Variants in YME1L1 observed in about 807,000 individuals in gnomAD.
YME1L1 encodes ATP-dependent zinc metalloprotease YME1L1.
YME1L1 carries 39 observed loss-of-function variants against 90.4 expected under a neutral mutation model. That is an observed-to-expected ratio of 0.43 (90% CI 0.33 to 0.56). The LOEUF (loss-of-function observed/expected upper bound fraction) is 0.56. YME1L1 is among the 20% of genes least tolerant of loss of function. The probability of loss-of-function intolerance (pLI) is 0.03; values close to 1 mark genes in which losing one functional copy is unlikely to be tolerated. For missense variants in YME1L1, 617 were observed against 868.4 expected, an observed-to-expected ratio of 0.71 and a Z score of 3.64; for synonymous variants, 284 against 287.3, an observed-to-expected ratio of 0.99 and a Z score of 0.12.
chr10:27,134,331 C>T lies in YME1L1; in HGVS notation c.692-209G>A, dbSNP rs184799412. The stretch of plus-strand genomic sequence containing the variant: ...AAGCATGGTGGCTCATGCCTGTAAT[C>T]CTAGCATTTTAAGAGGTCAAGGCAG... On this transcript the variant is annotated intron_variant, in intron 6 of 18. Transcript: ENST00000376016. 6.5e-4 allele frequency among the ~76,000 whole-genome samples: 99 copies of T among 152,274 alleles called. 1 individual carries two copies. Among genetic ancestry groups the T allele is most frequent in the Non-Finnish European group, 1.2e-3 (79 of 68,016 alleles).
chr10:27,119,387 G>C lies in YME1L1; in HGVS notation c.1474C>G (p.Leu492Val). Residue 492 changes from leucine (L) to valine (V), a missense_variant, in exon 14 of 19, where the codon CTT becomes GTT. Physicochemically the swap from Leu to Val is conservative, Grantham distance 32 (BLOSUM62 1). This residue lies in a region of YME1L1 where 212 missense variants were observed against 330.0 expected (regional missense o/e 0.64). Transcript: ENST00000376016. ...GCTTTTAATGCAGCCTGGTTCACAA[G>C]ATTCTCCAACTCTGCTCCGGAAAAG... ...VGFSGAELEN[L>V]VNQAALKAAV... 1 of 1,613,706 alleles carries C rather than the reference G, an allele frequency of 6.2e-7. No homozygotes were observed. Among genetic ancestry groups the C allele is most frequent in the African/African-American group, 1.3e-5 (1 of 75,008 alleles).
At chr10:27,123,420 A>T in intron 10 of YME1L1, 127 bp downstream of exon 10, 1 of 1,095,244 alleles carries the variant, frequency 9.1e-7, no homozygotes, top group Non-Finnish European at 1.3e-6. Context: ...ATTAGCATGC[A>T]AAGCTGGAGG....
Position 27,122,978 on chromosome 10 carries a change from G to A in YME1L1, c.1103-5C>T, listed in dbSNP as rs1434770497. The A allele has an allele frequency of 6.2e-7, 1 of 1,601,538 alleles. No individual in the cohort carries two copies. Among genetic ancestry groups the A allele is most frequent in the Non-Finnish European group, 8.5e-7 (1 of 1,176,326 alleles). ...GAGCATTCGCCTTTGCTTCCCCTAA[G>A]AAAACAAAAAACATTCAAATAAGCT... On this transcript the variant is annotated splice_region_variant and splice_polypyrimidine_tract_variant and intron_variant, in intron 10 of 18. Transcript: ENST00000376016.
Position 27,136,265 on chromosome 10 carries a change from G to A in YME1L1, c.540+11C>T, listed in dbSNP as rs1294402427. 1 of 1,601,882 alleles carries A rather than the reference G, an allele frequency of 6.2e-7. No homozygotes were observed. The highest frequency in any genetic ancestry group is 8.5e-7 in the Non-Finnish European group (1 of 1,174,090). On this transcript the variant is annotated intron_variant, in intron 5 of 18. Transcript: ENST00000376016. ...ATATTTGCTTTTTGGATCATAAAAA[G>A]GTCTAATTACCTTCACGAATGATGG...
In YME1L1 at chr10:27,116,042, AT is replaced by A; in HGVS notation, c.1920+17del. The stretch of plus-strand genomic sequence containing the variant: ...ACACATAATTTGATACATGAAAAGG[AT>A]TTAAAAAATCTATTACCTTTTCACT... On this transcript the variant is annotated intron_variant, in intron 17 of 18. Transcript: ENST00000376016. The A allele has an allele frequency of 6.3e-7, 1 of 1,599,530 alleles. No individual in the cohort carries two copies. The highest frequency in any genetic ancestry group is 8.5e-7 in the Non-Finnish European group (1 of 1,170,112).
chr10:27,123,341 G>A (rs1336256644), intron 10 of YME1L1, among the ~76,000 whole-genome samples: 1 of 151,914 alleles, frequency 6.6e-6, no homozygotes, highest in East Asian at 1.9e-4. Context: ...TAGCTCTTCC[G>A]ATAATTCATA....
At chr10:27,125,981 C>T (rs1220387719) in intron 9 of YME1L1, among the ~76,000 whole-genome samples, 1 of 151,978 alleles carries the variant, frequency 6.6e-6, no homozygotes, top group Non-Finnish European at 1.5e-5. Context: ...CCAGTAATGT[C>T]CTAATTTTAA....
chr10:27,145,302 A>C (rs1375335024), intron 3 of YME1L1, 126 bp downstream of exon 3: 98 of 673,722 alleles, frequency 1.5e-4, no homozygotes, highest in Middle Eastern at 5.1e-4. Context: ...AAAAAAAAAC[A>C]AAAAAAAAAC....
chr10:27,129,085 C>CAAA (rs71523559), intron 8 of YME1L1, among the ~76,000 whole-genome samples: 27 of 48,514 alleles, frequency 5.6e-4, no homozygotes, highest in Non-Finnish European at 6.1e-4. Context: ...GACCCTGTCT[C>CAAA]AAAAAAAAAA....
rs4749227 is a variant in YME1L1 at position 27,111,459 on chromosome 10, G to A, written c.*518C>T. On this transcript the variant is annotated 3_prime_UTR_variant, in exon 19 of 19. Coordinates refer to ENST00000376016, the MANE Select transcript of YME1L1 (RefSeq NM_014263.4). ...TCCACCCGCCTCAGCCTCCAAAAGT[G>A]CTGGGATTACAGATGTGAGCCATGG... is the stretch of plus-strand genomic sequence containing the variant. The A allele has an allele frequency of 0.018, 3,138 of 171,752 alleles. 183 individuals carry two copies. The highest frequency in any genetic ancestry group is 0.16 in the East Asian group (939 of 5,882). 10.6% of individuals were successfully genotyped at this position (171,752 alleles called of 1,614,324 possible). A position where few individuals can be genotyped will look rare whatever the true frequency, so the allele number is the denominator to read the frequency against.
intron 1 of YME1L1, among the ~76,000 whole-genome samples, chr10:27,151,934 T>C (rs2057224374): frequency 6.6e-6 from 1 of 151,778 alleles, no homozygotes; most frequent in Admixed American, 6.6e-5. Flanking sequence ...TGTTTGTTTA[T>C]AGAAAAAAAT....
At chr10:27,147,572 T>A (rs1358733828) in intron 2 of YME1L1, 1 of 1,599,380 alleles carries the variant, frequency 6.3e-7, no homozygotes, top group Non-Finnish European at 8.5e-7. Flanking sequence ...TTCATCCTTT[T>A]TGCTGGCTCC....
chr10:27,114,308 G>A (rs924337083), intron 18 of YME1L1, among the ~76,000 whole-genome samples: 1 of 152,104 alleles, frequency 6.6e-6, no homozygotes, highest in Non-Finnish European at 1.5e-5. Flanking sequence ...TGAACAGAGA[G>A]GTGCCTTAAT....
intron 8 of YME1L1, among the ~76,000 whole-genome samples, chr10:27,127,260 A>C (rs557761777): frequency 2.0e-4 from 30 of 152,370 alleles, no homozygotes; most frequent in African/African-American, 7.2e-4. Flanking sequence ...ACTTGAAATG[A>C]TCTTTGAAAG....
At position 27,154,233 on chromosome 10, in the gene YME1L1, T is replaced by C; in HGVS notation, c.-23A>G. The C allele has an allele frequency of 8.2e-6, 13 of 1,578,904 alleles. No homozygotes were observed. The highest frequency in any genetic ancestry group is 1.3e-5 in the African/African-American group (1 of 74,276). On this transcript the variant is annotated 5_prime_UTR_variant, in exon 1 of 19. Coordinates refer to ENST00000376016, the MANE Select transcript of YME1L1 (RefSeq NM_014263.4). The stretch of plus-strand genomic sequence containing the variant: ...CATCTCCGGCGGGCCCTCAGCGACC[T>C]CACCCGCCTGCCGAAACTGTGCCCC...
chr10:27,121,315 C>T (rs2056865326), intron 12 of YME1L1, 71 bp downstream of exon 12: 1 of 1,071,748 alleles, frequency 9.3e-7, no homozygotes, highest in Non-Finnish European at 1.4e-6. Context: ...TGATCTTTTG[C>T]AACGGACTTC....
chr10:27,113,105 A>T (rs1471938909), intron 18 of YME1L1, among the ~76,000 whole-genome samples: 1 of 151,590 alleles, frequency 6.6e-6, no homozygotes, highest in Non-Finnish European at 1.5e-5. Context: ...TTATAGTCCC[A>T]GCTACTCAGG....
chr10:27,126,972 T>C (rs2056926489), intron 8 of YME1L1, among the ~76,000 whole-genome samples, 186 bp from the exon 9 acceptor site: 1 of 152,242 alleles, frequency 6.6e-6, no homozygotes, highest in Non-Finnish European at 1.5e-5. Flanking sequence ...CTGACCATTA[T>C]TTCCCATTAT....
chr10:27,125,473 A>C (rs1034141716), intron 9 of YME1L1, among the ~76,000 whole-genome samples: 2 of 150,916 alleles, frequency 1.3e-5, no homozygotes, highest in Admixed American at 6.6e-5. Context: ...AAAAAAAAAA[A>C]AAAACAATAA....
Sources: allele counts gnomAD v4.1 joint callset (sites outside exome capture counted in the v4.1 genomes callset), GRCh38; gene constraint gnomAD v4.1.1; regional missense constraint gnomAD v4.1.1; transcripts MANE v1.5; gene names NCBI Gene and HGNC (gene_info 2026-07-23, HGNC 2026-07-21).